The following CEP63 variants were observed in gnomAD, a reference collection of about 807,000 sequenced individuals.
CEP63 encodes centrosomal protein 63.
CEP63 carries 84 observed loss-of-function variants against 89.1 expected under a neutral mutation model. The ratio of observed to expected loss-of-function variants is 0.94; its 90% CI spans 0.79 to 1.13. The LOEUF is 1.13. Among genes scored for constraint, CEP63 ranks in the 50% most tolerant of loss-of-function variants. The pLI is 0.00. For missense variants in CEP63, 838 were observed against 813.3 expected (o/e 1.03, Z -0.37); for synonymous variants, 267 against 272.5 (o/e 0.98, Z 0.20).
At chr3:134,701,465 TACAC>T in the CEP63 span, among the ~76,000 whole-genome samples, 3 of 145,076 alleles carry the variant, frequency 2.1e-5, no homozygotes, top group African/African-American at 5.1e-5. Context: ...TATATATACA[TACAC>T]ACACACACAT....
At chr3:134,593,401 C>T in the CEP63 span, among the ~76,000 whole-genome samples, 3 of 152,146 alleles carry the variant, frequency 2.0e-5, no homozygotes, top group Non-Finnish European at 4.4e-5. Flanking sequence ...CTATGAGTAT[C>T]CCTGTTTTAC....
chr3:134,731,817 G>T, the CEP63 span, among the ~76,000 whole-genome samples: 1 of 152,060 alleles, frequency 6.6e-6, no homozygotes, highest in Non-Finnish European at 1.5e-5. Flanking sequence ...CTATGAAAAG[G>T]GAAAAAGGGA....
the CEP63 span, among the ~76,000 whole-genome samples, chr3:134,761,419 C>A: frequency 6.6e-6 from 1 of 152,212 alleles, no homozygotes; most frequent in East Asian, 1.9e-4. Context: ...CGTGGAGCCC[C>A]GGACACCGCC....
At chr3:134,539,220 T>G (rs1027685390) in intron 6 of CEP63, among the ~76,000 whole-genome samples, 24 of 152,202 alleles carry the variant, frequency 1.6e-4, no homozygotes, top group African/African-American at 5.1e-4. Flanking sequence ...GTCATCATCT[T>G]GTCAATCTTT....
At chr3:134,490,182 T>TA (rs903040524) in intron 1 of CEP63, among the ~76,000 whole-genome samples, 13 of 152,046 alleles carry the variant, frequency 8.6e-5, no homozygotes, top group African/African-American at 2.9e-4. Flanking sequence ...TATTATATAT[T>TA]AAAAAAAACA....
the CEP63 span, among the ~76,000 whole-genome samples, chr3:134,697,896 A>C: frequency 6.6e-6 from 1 of 152,224 alleles, no homozygotes; most frequent in East Asian, 1.9e-4. Context: ...CTGGGAGTGG[A>C]GCTCCAGCTG....
chr3:134,739,584 C>A, the CEP63 span, among the ~76,000 whole-genome samples: 4 of 152,114 alleles, frequency 2.6e-5, no homozygotes, highest in Non-Finnish European at 5.9e-5. Flanking sequence ...ACTAGTTACA[C>A]ACATCAACAG....
chr3:134,486,624 AC>A, intron 1 of CEP63: 1 of 854,182 alleles, frequency 1.2e-6, no homozygotes, highest in Non-Finnish European at 1.4e-6. Flanking sequence ...CAGCGGAGAG[AC>A]CCCAGTGCGG....
the CEP63 span, among the ~76,000 whole-genome samples, chr3:134,602,314 C>T: frequency 6.6e-6 from 1 of 152,068 alleles, no homozygotes; most frequent in African/African-American, 2.4e-5. Flanking sequence ...CAGCCTGAGG[C>T]GCTGCTGAGG....
At chr3:134,635,159 T>C in the CEP63 span, among the ~76,000 whole-genome samples, 1 of 152,170 alleles carries the variant, frequency 6.6e-6, no homozygotes, top group Non-Finnish European at 1.5e-5. Context: ...TAAACGTCCT[T>C]CAATGAGTGA....
downstream of CEP63, among the ~76,000 whole-genome samples, chr3:134,568,164 G>T (rs570053843): frequency 2.6e-5 from 4 of 152,254 alleles, no homozygotes; most frequent in East Asian, 5.8e-4. Flanking sequence ...CTAATCATCA[G>T]TTCCCAGAGC....
the CEP63 span, among the ~76,000 whole-genome samples, chr3:134,691,544 G>A: frequency 1.5e-3 from 209 of 142,670 alleles, no homozygotes; most frequent in Middle Eastern, 4.3e-3. Context: ...TTTGAACCCA[G>A]GAGGCAGAGG....
At chr3:134,640,248 A>G in the CEP63 span, among the ~76,000 whole-genome samples, 22 of 152,244 alleles carry the variant, frequency 1.4e-4, no homozygotes, top group Non-Finnish European at 2.8e-4. Flanking sequence ...ACCCAAATCA[A>G]CACCACCAGA....
At chr3:134,702,566 A>G in the CEP63 span, among the ~76,000 whole-genome samples, 1 of 152,146 alleles carries the variant, frequency 6.6e-6, no homozygotes, top group Non-Finnish European at 1.5e-5. Flanking sequence ...CAGAAATCAG[A>G]CCACACACCT....
At chr3:134,488,235 G>A (rs9838834) in intron 1 of CEP63, 96,509 of 152,104 alleles carry the variant, frequency 0.63, 31,367 homozygotes, top group East Asian at 0.81. Context: ...ATAAGAATCT[G>A]ACTAATGCCT....
the CEP63 span, among the ~76,000 whole-genome samples, chr3:134,665,017 G>A: frequency 4.7e-4 from 72 of 152,300 alleles, no homozygotes; most frequent in African/African-American, 1.7e-3. Flanking sequence ...GCAGACACTC[G>A]CATGCTCTGT....
At chr3:134,530,864 C>T (rs1949728896) in intron 3 of CEP63, among the ~76,000 whole-genome samples, 1 of 152,102 alleles carries the variant, frequency 6.6e-6, no homozygotes. Context: ...AAAAAATTTA[C>T]TGTTGTAGAT....
chr3:134,691,440 C>A, the CEP63 span, among the ~76,000 whole-genome samples: 1 of 151,370 alleles, frequency 6.6e-6, no homozygotes, highest in Non-Finnish European at 1.5e-5. Flanking sequence ...CATGACAAGA[C>A]CCTGTCTCTA....
chr3:134,671,456 C>A, the CEP63 span, among the ~76,000 whole-genome samples: 3 of 152,192 alleles, frequency 2.0e-5, no homozygotes, highest in Middle Eastern at 3.4e-3. Context: ...ACCCATGTAA[C>A]AAATGTGCAC....
Sources: allele counts gnomAD v4.1 joint callset (sites outside exome capture counted in the v4.1 genomes callset), GRCh38; gene constraint gnomAD v4.1.1; transcripts MANE v1.5; gene names NCBI Gene and HGNC (gene_info 2026-07-23, HGNC 2026-07-21).